Variants in CCZ1 observed in about 807,000 individuals in gnomAD.
CCZ1 encodes CCZ1 vacuolar protein trafficking and biogenesis associated.
A neutral mutation model predicts 57.8 loss-of-function variants in CCZ1; 19 were observed. The observed-to-expected ratio is 0.33, with a 90% CI of 0.23 to 0.48. CCZ1 has a LOEUF of 0.48. CCZ1 is among the 20% of genes least tolerant of loss of function. CCZ1 has a pLI of 0.99. For missense variants in CCZ1, 200 were observed against 492.0 expected (o/e 0.41, Z 5.61); for synonymous variants, 81 against 167.0 (o/e 0.49, Z 3.97).
At chr7:5,899,020 T>C in intron 1 of CCZ1, 101 bp downstream of exon 1, 1 of 224,156 alleles carries the variant, frequency 4.5e-6, no homozygotes, top group East Asian at 1.3e-4. Flanking sequence ...CTAGCCTGCA[T>C]TGTGCCAGGT....
At chr7:5,911,378 G>A (rs1290144897) in intron 8 of CCZ1, among the ~76,000 whole-genome samples, 7 of 148,548 alleles carry the variant, frequency 4.7e-5, no homozygotes, top group African/African-American at 1.5e-4. Context: ...TTGTTGACTC[G>A]CATGGTCTCA....
At chr7:5,907,963 A>G (rs1254754711) in intron 7 of CCZ1, among the ~76,000 whole-genome samples, 1 of 143,098 alleles carries the variant, frequency 7.0e-6, no homozygotes, top group Non-Finnish European at 1.5e-5. Context: ...ATAGCTGGGC[A>G]TTGTGGTGTG....
intron 7 of CCZ1, among the ~76,000 whole-genome samples, chr7:5,907,817 A>ACAGCCTCTTACTC (rs1281611769): frequency 0.16 from 1,603 of 10,200 alleles, 627 homozygotes; most frequent in Middle Eastern, 1. Context: ...TTCAAGCAAA[A>ACAGCCTCTTACTC]CAGGCGCCAA....
At chr7:5,922,975 A>G (rs2528347) in intron 12 of CCZ1, among the ~76,000 whole-genome samples, 83,211 of 139,178 alleles carry the variant, frequency 0.6, 20,251 homozygotes, top group East Asian at 0.72. Flanking sequence ...CAGACAGACA[A>G]CACATGAACA....
Position 5,910,117 on chromosome 7 carries a change from G to C in CCZ1, c.780+1G>C. 6.3e-7 allele frequency: 1 copy of C among 1,582,114 alleles called. No homozygotes were observed. Among genetic ancestry groups the C allele is most frequent in the Non-Finnish European group, 8.7e-7 (1 of 1,155,812 alleles). ...TTTTCCAAGGCACATCGAACCTGAG[G>C]TATGATGGGTACCATAGCTGCGCAC... On this transcript the variant is annotated splice_donor_variant, in intron 8 of 14. Transcript: ENST00000325974. LOFTEE classifies it high-confidence loss of function.
intron 7 of CCZ1, among the ~76,000 whole-genome samples, chr7:5,909,297 A>T (rs1562541126): frequency 6.6e-6 from 1 of 150,500 alleles, no homozygotes. Flanking sequence ...GCTACTCAGG[A>T]GGCTGAGGTG....
chr7:5,921,055 G>A lies in CCZ1; in HGVS notation c.1106+1089G>A, dbSNP rs570129538. On this transcript the variant is annotated intron_variant, in intron 12 of 14. Transcript: ENST00000325974. ...CAACCTCCGCCTCCCAGGTTCAAGC[G>A]ATTCTCCTGCCTCAGCCTCCTGAGT... Among the ~76,000 whole-genome samples the A allele has an allele frequency of 3.2e-5, 3 of 94,924 alleles. 1 individual carries two copies. The highest frequency in any genetic ancestry group is 1.5e-4 in the African/African-American group (3 of 19,496). 62.3% of individuals were successfully genotyped at this position (94,924 alleles called of 152,430 possible).
chr7:5,901,572 A>C, intron 4 of CCZ1, 85 bp from the exon 5 acceptor site: 1 of 1,513,028 alleles, frequency 6.6e-7, no homozygotes, highest in Non-Finnish European at 8.9e-7. Flanking sequence ...CTGTTTGGCC[A>C]AGAGTTAGTG....
At chr7:5,923,013 C>CT (rs1192888642) in intron 12 of CCZ1, among the ~76,000 whole-genome samples, 1 of 145,396 alleles carries the variant, frequency 6.9e-6, no homozygotes, top group East Asian at 2.0e-4. Context: ...TCCCGTGAAA[C>CT]TTTGTTTAGA....
chr7:5,904,244 G>A (rs1781751901), intron 6 of CCZ1, among the ~76,000 whole-genome samples: 2 of 139,420 alleles, frequency 1.4e-5, no homozygotes, highest in South Asian at 5.1e-4. Context: ...AGGCTACCAC[G>A]CCCGGCTAAT....
intron 7 of CCZ1, among the ~76,000 whole-genome samples, chr7:5,906,430 C>T (rs1228704817): frequency 2.1e-5 from 3 of 145,688 alleles, no homozygotes; most frequent in Non-Finnish European, 4.5e-5. Flanking sequence ...TCAAGCGATT[C>T]TCCTGCCTCA....
chr7:5,914,232 A>AG (rs1304128655), intron 10 of CCZ1, among the ~76,000 whole-genome samples: 18 of 146,828 alleles, frequency 1.2e-4, no homozygotes, highest in African/African-American at 4.5e-4. Flanking sequence ...CAGGAGTTGG[A>AG]GGCCAGCCTG....
Position 5,900,845 on chromosome 7 carries a change from A to C in CCZ1, c.313-10A>C, listed in dbSNP as rs1348842163. On this transcript the variant is annotated splice_polypyrimidine_tract_variant and intron_variant, in intron 3 of 14. Coordinates refer to ENST00000325974, the MANE Select transcript of CCZ1 (RefSeq NM_015622.6). ...TTCATTGTATAATTTCAGTTTATCA[A>C]ACTTTGTAGGTTGTTCGGAATCCTA... 28 of 1,312,776 alleles carry C rather than the reference A, an allele frequency of 2.1e-5. No homozygotes were observed. The highest frequency in any genetic ancestry group is 2.7e-5 in the Non-Finnish European group (26 of 958,256). The allele number at this position is 1,312,776 out of a possible 1,614,324, so 81.3% of individuals were successfully genotyped here.
chr7:5,904,213 C>T (rs1381237187), intron 6 of CCZ1, among the ~76,000 whole-genome samples: 3,055 of 135,664 alleles, frequency 0.023, 168 homozygotes, highest in African/African-American at 0.084. Flanking sequence ...CTGTCTCAGC[C>T]TCCTGAATAG....
intron 7 of CCZ1, among the ~76,000 whole-genome samples, chr7:5,905,781 CAAAAAAAAAAA>C (rs796636886): frequency 0.03 from 1,320 of 44,286 alleles, 47 homozygotes; most frequent in African/African-American, 0.086. Context: ...ACTCTGTCTC[CAAAAAAAAAAA>C]AAAAAAAAAA....
At chr7:5,901,827 G>A in intron 5 of CCZ1, 123 bp downstream of exon 5, 1 of 1,201,052 alleles carries the variant, frequency 8.3e-7, no homozygotes, top group Non-Finnish European at 1.1e-6. Flanking sequence ...TCTTAGAGAA[G>A]AAAATAATGA....
rs539601778 is a variant in CCZ1, at chr7:5,905,986, AC to A, written c.698+720del. Among the ~76,000 whole-genome samples the A allele has an allele frequency of 3.7e-4, 50 of 134,322 alleles. 3 individuals carry two copies. The South Asian group carries it at 0.011, about 31-fold the overall frequency. 88.1% of individuals were successfully genotyped at this position (134,322 alleles called of 152,430 possible). On this transcript the variant is annotated intron_variant, in intron 7 of 14. Transcript: ENST00000325974. ...TCAAACTCCTGGCCTCAAGCGATCC[AC>A]CCGCCTCAGCCTCCCAAAGTGCTGG...
In CCZ1 at chr7:5,902,703, G is replaced by C. The variant is rs370696879; in HGVS notation, c.481G>C (p.Val161Leu). The C allele has an allele frequency of 7.5e-5, 119 of 1,591,268 alleles. 3 individuals are homozygous for C. In the African/African-American group the frequency reaches 1.5e-3, roughly 20 times the overall value. ...TCTGAAAGCCATGGAAGACGGAGGCGTCAAGCTTCTGAAAGAAAGATTAGA... is the reference window on the plus strand; with the variant it reads ...TCTGAAAGCCATGGAAGACGGAGGCCTCAAGCTTCTGAAAGAAAGATTAGA... Reference protein sequence around the residue: ...TFLKAMEDGGVKLLKERLEKF... With the variant: ...TFLKAMEDGGLKLLKERLEKF... Residue 161 changes from valine (V) to leucine (L), a missense_variant, in exon 6 of 15, where the codon GTC (valine) becomes CTC (leucine). Val to Leu is a conservative substitution (Grantham distance 32). Around this residue, in one of 5 missense-constraint regions of CCZ1, gnomAD observed 128 missense variants for 178.4 expected, o/e 0.72. Coordinates refer to ENST00000325974, the MANE Select transcript of CCZ1 (RefSeq NM_015622.6).
At chr7:5,900,744 T>A (rs1423667954) in intron 3 of CCZ1, 111 bp from the exon 4 acceptor site, 3 of 1,567,330 alleles carry the variant, frequency 1.9e-6, no homozygotes, top group Non-Finnish European at 2.6e-6. Context: ...TGGGGCTGTT[T>A]TAAGAAGCTA....
Sources: allele counts gnomAD v4.1 joint callset (sites outside exome capture counted in the v4.1 genomes callset), GRCh38; gene constraint gnomAD v4.1.1; regional missense constraint gnomAD v4.1.1; transcripts MANE v1.5; gene names NCBI Gene and HGNC (gene_info 2026-07-23, HGNC 2026-07-21).